The following CNTN5 variants were observed in gnomAD, a reference collection of about 807,000 sequenced individuals.
The protein encoded by CNTN5 is contactin 5, also known as contactin-5.
Under a neutral mutation model 129.1 loss-of-function variants are expected in CNTN5, and 77 were observed. The ratio of observed to expected loss-of-function variants is 0.60; its 90% CI spans 0.50 to 0.72. CNTN5 has a LOEUF of 0.72. Ranked by LOEUF, CNTN5 falls within the 30% of genes least tolerant of loss-of-function variation. CNTN5 has a pLI of 0.00. For synonymous variants in CNTN5, 509 were observed against 465.6 expected, an observed-to-expected ratio of 1.09 and a Z score of -1.20; for missense variants, 1,478 against 1,328.8, an observed-to-expected ratio of 1.11 and a Z score of -1.75.
intron 1 of CNTN5, among the ~76,000 whole-genome samples, chr11:99,211,585 T>C (rs1290939304): frequency 2.0e-5 from 3 of 152,016 alleles, no homozygotes; most frequent in Non-Finnish European, 4.4e-5. Flanking sequence ...GGAAATAGTA[T>C]CACTTCATTT....
intron 1 of CNTN5, among the ~76,000 whole-genome samples, chr11:99,143,256 A>G (rs1236641303): frequency 6.6e-6 from 1 of 150,424 alleles, no homozygotes; most frequent in Non-Finnish European, 1.5e-5. Flanking sequence ...TATGTATCTT[A>G]GAAATGTAAT....
chr11:99,221,389 A>G (rs1157533770), intron 1 of CNTN5, among the ~76,000 whole-genome samples: 2 of 151,904 alleles, frequency 1.3e-5, no homozygotes, highest in Non-Finnish European at 2.9e-5. Flanking sequence ...TTAGCTTACT[A>G]CAGAATACCT....
chr11:99,194,692 A>G (rs986756735), intron 1 of CNTN5, among the ~76,000 whole-genome samples: 1 of 151,894 alleles, frequency 6.6e-6, no homozygotes, highest in Non-Finnish European at 1.5e-5. Flanking sequence ...TGCAACCTCC[A>G]GCTCCTGGGT....
intron 2 of CNTN5, among the ~76,000 whole-genome samples, chr11:99,552,914 C>T (rs1437494121): frequency 2.6e-5 from 4 of 152,048 alleles, no homozygotes; most frequent in African/African-American, 9.7e-5. Context: ...TGGAAATATA[C>T]TATTATTACT....
At chr11:99,507,823 T>C (rs1946683497) in intron 2 of CNTN5, among the ~76,000 whole-genome samples, 1 of 152,152 alleles carries the variant, frequency 6.6e-6, no homozygotes, top group African/African-American at 2.4e-5. Flanking sequence ...TTTGGTAGGG[T>C]AGAGCCCAGG....
intron 3 of CNTN5, among the ~76,000 whole-genome samples, chr11:99,619,479 A>G (rs1210883862): frequency 1.3e-5 from 2 of 152,038 alleles, no homozygotes; most frequent in Non-Finnish European, 2.9e-5. Flanking sequence ...TCACATTTCC[A>G]TGGAGCTGTC....
chr11:99,729,304 T>C (rs1943450793), intron 3 of CNTN5, among the ~76,000 whole-genome samples: 1 of 151,976 alleles, frequency 6.6e-6, no homozygotes, highest in African/African-American at 2.4e-5. Context: ...TGACATAACA[T>C]TTTTTTACCT....
intron 4 of CNTN5, among the ~76,000 whole-genome samples, chr11:99,828,147 T>C (rs936960241): frequency 2.6e-5 from 4 of 152,236 alleles, no homozygotes; most frequent in African/African-American, 7.2e-5. Context: ...TTCAGAGATA[T>C]GTACAATGAT....
intron 1 of CNTN5, among the ~76,000 whole-genome samples, chr11:99,212,665 T>A (rs11218866): frequency 0.13 from 19,528 of 152,034 alleles, 1,321 homozygotes; most frequent in Non-Finnish European, 0.15. Context: ...TATATAATTT[T>A]AAAAAATATT....
At chr11:99,403,889 T>C (rs1941948781) in intron 2 of CNTN5, among the ~76,000 whole-genome samples, 1 of 152,172 alleles carries the variant, frequency 6.6e-6, no homozygotes, top group South Asian at 2.1e-4. Context: ...ATAGTCAAGA[T>C]TAAGTCTGAT....
At chr11:99,170,368 G>A (rs1861090042) in intron 1 of CNTN5, among the ~76,000 whole-genome samples, 1 of 152,168 alleles carries the variant, frequency 6.6e-6, no homozygotes, top group Admixed American at 6.5e-5. Flanking sequence ...AAAACCAGCA[G>A]CAGGCTCTTA....
intron 3 of CNTN5, among the ~76,000 whole-genome samples, chr11:99,609,819 T>G (rs1347401552): frequency 6.6e-6 from 1 of 152,100 alleles, no homozygotes; most frequent in Non-Finnish European, 1.5e-5. Context: ...GGCTCAACTG[T>G]TTACTGGGTG....
chr11:99,095,496 C>T (rs1293815949), intron 1 of CNTN5, among the ~76,000 whole-genome samples: 1 of 151,832 alleles, frequency 6.6e-6, no homozygotes, highest in Non-Finnish European at 1.5e-5. Context: ...GTATGAAATA[C>T]TAGCATTTAC....
chr11:99,647,837 T>G (rs1022531809), intron 3 of CNTN5, among the ~76,000 whole-genome samples: 1 of 151,924 alleles, frequency 6.6e-6, no homozygotes, highest in African/African-American at 2.4e-5. Flanking sequence ...AGCTACTTTG[T>G]TATTTGTGTA....
At chr11:99,308,105 G>C (rs1257746641) in intron 1 of CNTN5, among the ~76,000 whole-genome samples, 2 of 152,166 alleles carry the variant, frequency 1.3e-5, no homozygotes, top group African/African-American at 4.8e-5. Context: ...CTAATTTACT[G>C]TCAGGATAAT....
chr11:99,467,669 G>A (rs1944999668), intron 2 of CNTN5, among the ~76,000 whole-genome samples: 1 of 152,046 alleles, frequency 6.6e-6, no homozygotes, highest in Non-Finnish European at 1.5e-5. Flanking sequence ...TTAACTTTAT[G>A]CTTTTTCTGC....
intron 7 of CNTN5, among the ~76,000 whole-genome samples, chr11:99,938,512 C>A (rs147696367): frequency 2.0e-5 from 3 of 151,982 alleles, no homozygotes; most frequent in East Asian, 3.9e-4. Context: ...ATGGGAAGTA[C>A]AAGAAGCCGG....
chr11:99,750,941 A>C (rs1944212528), intron 3 of CNTN5, among the ~76,000 whole-genome samples: 1 of 152,216 alleles, frequency 6.6e-6, no homozygotes, highest in South Asian at 2.1e-4. Flanking sequence ...AGTTTGCTTT[A>C]AAGCTAATAT....
chr11:100,137,598 C>T (rs890139605), intron 13 of CNTN5, among the ~76,000 whole-genome samples: 1 of 152,030 alleles, frequency 6.6e-6, no homozygotes, highest in Non-Finnish European at 1.5e-5. Context: ...AAGTTGGTGA[C>T]TGTGTGTGTA....
Sources: allele counts gnomAD v4.1 joint callset (sites outside exome capture counted in the v4.1 genomes callset), GRCh38; gene constraint gnomAD v4.1.1; transcripts MANE v1.5; gene names NCBI Gene and HGNC (gene_info 2026-07-23, HGNC 2026-07-21).